HK2: variants seen among roughly 807,000 people sequenced by gnomAD.
The protein encoded by HK2 is hexokinase 2, also known as hexokinase-2.
In HK2, 42 loss-of-function variants were observed where a neutral mutation model predicts 92.9. The observed-to-expected ratio is 0.45, with a 90% CI of 0.35 to 0.58. The LOEUF (loss-of-function observed/expected upper bound fraction) is 0.58. Ranked by LOEUF, HK2 falls within the 20% of genes least tolerant of loss-of-function variation. HK2 has a pLI of 0.00. For missense variants in HK2, 978 were observed against 1,245.1 expected (o/e 0.79, Z 3.23); for synonymous variants, 422 against 468.0 (o/e 0.90, Z 1.27).
intron 1 of HK2, among the ~76,000 whole-genome samples, chr2:74,836,116 G>A (rs1387351936): frequency 6.6e-6 from 1 of 152,164 alleles, no homozygotes; most frequent in African/African-American, 2.4e-5. Context: ...GATTTGAGCT[G>A]GCAGGATCTT....
At chr2:74,845,162 T>C (rs1688407621) in intron 1 of HK2, among the ~76,000 whole-genome samples, 2 of 152,208 alleles carry the variant, frequency 1.3e-5, no homozygotes, top group African/African-American at 4.8e-5. Context: ...ATTTTATTAA[T>C]GTAAAGGAAA....
intron 1 of HK2, among the ~76,000 whole-genome samples, chr2:74,840,758 A>C (rs1174788115): frequency 6.6e-6 from 1 of 151,340 alleles, no homozygotes; most frequent in Non-Finnish European, 1.5e-5. Context: ...AGGCACCTGT[A>C]GTCCCAGCTA....
At chr2:74,873,138 G>A in intron 4 of HK2, 138 bp from the exon 5 acceptor site, 4 of 757,280 alleles carry the variant, frequency 5.3e-6, no homozygotes, top group Non-Finnish European at 9.7e-6. Flanking sequence ...TCCTAGGCTA[G>A]CCAGGAAGTA....
At chr2:74,857,174 G>T (rs1286962143) in intron 2 of HK2, among the ~76,000 whole-genome samples, 1 of 152,152 alleles carries the variant, frequency 6.6e-6, no homozygotes, top group African/African-American at 2.4e-5. Context: ...TTTGCAGGGG[G>T]TCCATAGGTT....
intron 1 of HK2, among the ~76,000 whole-genome samples, chr2:74,847,997 CTAATG>C (rs1688483602): frequency 6.6e-6 from 1 of 152,166 alleles, no homozygotes; most frequent in African/African-American, 2.4e-5. Context: ...TCATGGGGAG[CTAATG>C]TAATGTTGTG....
At chr2:74,855,186 G>C (rs1160506078) in intron 2 of HK2, among the ~76,000 whole-genome samples, 1 of 152,080 alleles carries the variant, frequency 6.6e-6, no homozygotes, top group Non-Finnish European at 1.5e-5. Context: ...AGTAGAGATG[G>C]GGTTTCTCAT....
intron 10 of HK2, among the ~76,000 whole-genome samples, chr2:74,881,282 C>T (rs1373125407): frequency 6.6e-6 from 1 of 152,160 alleles, no homozygotes; most frequent in East Asian, 1.9e-4. Context: ...AGAAGACAGT[C>T]GATGAGCAGG....
At position 74,834,760 on chromosome 2, in the gene HK2, G is replaced by GA; in HGVS notation, c.63+122dup. On this transcript the variant is annotated intron_variant, in intron 1 of 17. Transcript: ENST00000290573. This position sits in a 1 kb window ranked among gnomAD's most constrained non-coding sequence, Gnocchi z 4.2. ...CCTCCCTACTCCGGGCCTGGGAGCG[G>GA]AAAAAGTTTGGGCAGCCGGGACACT... 1 of 1,199,602 alleles carries GA rather than the reference G, an allele frequency of 8.3e-7. No homozygotes were observed. Among genetic ancestry groups the GA allele is most frequent in the Non-Finnish European group, 1.2e-6 (1 of 813,672 alleles). 74.3% of individuals were successfully genotyped at this position (1,199,602 alleles called of 1,614,324 possible).
chr2:74,841,331 C>T (rs1363080700), intron 1 of HK2, among the ~76,000 whole-genome samples: 2 of 151,518 alleles, frequency 1.3e-5, no homozygotes, highest in African/African-American at 2.4e-5. Context: ...TTACTGATAT[C>T]TAGTAAGCAG....
At chr2:74,849,165 C>A (rs978438733) in intron 1 of HK2, among the ~76,000 whole-genome samples, 1 of 152,182 alleles carries the variant, frequency 6.6e-6, no homozygotes, top group Non-Finnish European at 1.5e-5. Flanking sequence ...AATGCAGGTA[C>A]TTAAGGGGAT....
chr2:74,875,205 A>C (rs907021041), intron 7 of HK2, among the ~76,000 whole-genome samples: 1 of 152,176 alleles, frequency 6.6e-6, no homozygotes, highest in Non-Finnish European at 1.5e-5. Context: ...TGAGCAATAC[A>C]GATCATCTCT....
intron 1 of HK2, among the ~76,000 whole-genome samples, chr2:74,845,011 G>A (rs1688404477): frequency 6.6e-6 from 1 of 152,202 alleles, no homozygotes. Context: ...CTGGGCTATG[G>A]AGGGTCAGTG....
In HK2 at chr2:74,882,605, TTATA is replaced by T. The variant is rs141761906; in HGVS notation, c.1839+379_1839+382del. Reference sequence around the variant, plus strand: ...TAGGAAGACCCCATCTCTATTGAACTTATATATATATATATAGCATTTTTAAGCA... The same window carrying T: ...TAGGAAGACCCCATCTCTATTGAACTTATATATATATAGCATTTTTAAGCA... On this transcript the variant is annotated intron_variant, in intron 12 of 17. Coordinates refer to ENST00000290573, the MANE Select transcript of HK2 (RefSeq NM_000189.5). Among the ~76,000 whole-genome samples, 22 of 75,738 alleles carry T rather than the reference TTATA, an allele frequency of 2.9e-4. 2 individuals are homozygous for T. The South Asian group carries it at 4.0e-3, about 14-fold the overall frequency. The allele number at this position is 75,738 out of a possible 152,430, so 49.7% of individuals were successfully genotyped here.
chr2:74,836,552 G>A (rs1033785401), intron 1 of HK2, among the ~76,000 whole-genome samples: 4 of 152,198 alleles, frequency 2.6e-5, no homozygotes, highest in African/African-American at 9.6e-5. Flanking sequence ...TGTCATTCCT[G>A]TAGGTTTTCT....
intron 12 of HK2, among the ~76,000 whole-genome samples, chr2:74,882,950 C>T (rs905892497): frequency 3.9e-5 from 6 of 152,030 alleles, no homozygotes; most frequent in Non-Finnish European, 5.9e-5. Context: ...CTGGTCTCAT[C>T]TTGCTTCTCA....
intron 2 of HK2, among the ~76,000 whole-genome samples, chr2:74,865,130 C>A (rs1221239477): frequency 6.6e-6 from 1 of 152,094 alleles, no homozygotes; most frequent in African/African-American, 2.4e-5. Flanking sequence ...GGAAGGAATG[C>A]AGTCATTGGC....
intron 3 of HK2, among the ~76,000 whole-genome samples, chr2:74,870,339 C>G (rs1239947159): frequency 2.0e-5 from 3 of 152,092 alleles, no homozygotes; most frequent in African/African-American, 7.2e-5. Context: ...ATTGACATAG[C>G]CACAGATGGC....
At chr2:74,864,541 C>G (rs766909089) in intron 2 of HK2, among the ~76,000 whole-genome samples, 1 of 151,994 alleles carries the variant, frequency 6.6e-6, no homozygotes, top group Admixed American at 6.6e-5. Context: ...GAGTCTGGCT[C>G]TATTGCCCAG....
chr2:74,859,205 T>A (rs562273608), intron 2 of HK2, among the ~76,000 whole-genome samples: 12 of 152,224 alleles, frequency 7.9e-5, no homozygotes, highest in African/African-American at 2.9e-4. Flanking sequence ...AATTGATGCA[T>A]TACAAAACAT....
Sources: allele counts gnomAD v4.1 joint callset (sites outside exome capture counted in the v4.1 genomes callset), GRCh38; gene constraint gnomAD v4.1.1; non-coding constraint Gnocchi (gnomAD v3.1); transcripts MANE v1.5; gene names NCBI Gene and HGNC (gene_info 2026-07-23, HGNC 2026-07-21).